The following ARHGAP29 variants were observed in gnomAD, a reference collection of about 807,000 sequenced individuals.
The protein encoded by ARHGAP29 is rho GTPase-activating protein 29.
Under a neutral mutation model 122.6 loss-of-function variants are expected in ARHGAP29, and 43 were observed. The observed-to-expected ratio is 0.35, with a 90% CI of 0.27 to 0.45. The LOEUF is 0.45. Ranked by LOEUF, ARHGAP29 falls within the 20% of genes least tolerant of loss-of-function variation. ARHGAP29 has a pLI of 1.00. For missense variants in ARHGAP29, 1,303 were observed against 1,477.2 expected (o/e 0.88, Z 1.93); for synonymous variants, 506 against 497.1 (o/e 1.02, Z -0.24).
At chr1:94,246,407 A>G (rs1653797686) in intron 1 of ARHGAP29, among the ~76,000 whole-genome samples, 1 of 152,226 alleles carries the variant, frequency 6.6e-6, no homozygotes. Context: ...AATGAGGAGG[A>G]AGCGAAGCTA....
chr1:94,173,674 G>T lies in ARHGAP29; in HGVS notation c.*195C>A. On this transcript the variant is annotated 3_prime_UTR_variant, in exon 23 of 23. Transcript: ENST00000260526. ...CAGAATTTAAAGATAATTCCAGTGAGGCACAAATGTGACCCTATCAAAACA... is the reference window on the plus strand; with the variant it reads ...CAGAATTTAAAGATAATTCCAGTGATGCACAAATGTGACCCTATCAAAACA... 1 of 562,636 alleles carries T rather than the reference G, an allele frequency of 1.8e-6. No homozygotes were observed. The highest frequency in any genetic ancestry group is 3.0e-6 in the Non-Finnish European group (1 of 334,984). The allele number at this position is 562,636 out of a possible 1,614,324, so 34.9% of individuals were successfully genotyped here.
intron 1 of ARHGAP29, among the ~76,000 whole-genome samples, chr1:94,271,621 T>A (rs1029951608): frequency 1.3e-5 from 2 of 152,190 alleles, no homozygotes; most frequent in African/African-American, 4.8e-5. Flanking sequence ...GCAGCTCAAG[T>A]GCCAATTTGG....
At chr1:94,179,680 A>G in intron 20 of ARHGAP29, 45 bp downstream of exon 20, 1 of 1,272,668 alleles carries the variant, frequency 7.9e-7, no homozygotes, top group South Asian at 1.4e-5. Context: ...CAAAAAACAA[A>G]TCAATTGCCC....
intron 2 of ARHGAP29, among the ~76,000 whole-genome samples, chr1:94,228,034 T>C (rs1652719688): frequency 6.6e-6 from 1 of 151,746 alleles, no homozygotes; most frequent in Non-Finnish European, 1.5e-5. Flanking sequence ...GAAAGAGAAT[T>C]ACCAAACTCT....
At chr1:94,193,147 A>T (rs1306828721) in intron 12 of ARHGAP29, 1 of 152,154 alleles carries the variant, frequency 6.6e-6, no homozygotes, top group African/African-American at 2.4e-5. Flanking sequence ...GAAAAATAAA[A>T]TATCCAGAAC....
At chr1:94,207,953 CT>C (rs976964694) in intron 5 of ARHGAP29, among the ~76,000 whole-genome samples, 174 of 152,098 alleles carry the variant, frequency 1.1e-3, no homozygotes, top group African/African-American at 3.9e-3. Flanking sequence ...TGAATCCCCC[CT>C]CTCAGCTTCC....
chr1:94,186,961 G>C (rs1261973744), intron 15 of ARHGAP29, among the ~76,000 whole-genome samples: 1 of 152,178 alleles, frequency 6.6e-6, no homozygotes, highest in Non-Finnish European at 1.5e-5. Flanking sequence ...CAACAGTAAA[G>C]TTGTCATTAA....
chr1:94,219,881 C>G (rs1283361176), intron 3 of ARHGAP29, among the ~76,000 whole-genome samples: 1 of 152,148 alleles, frequency 6.6e-6, no homozygotes, highest in African/African-American at 2.4e-5. Context: ...ATTTGATTCC[C>G]TCTTTTAAGT....
At chr1:94,282,171 C>A in the ARHGAP29 span, among the ~76,000 whole-genome samples, 2 of 150,294 alleles carry the variant, frequency 1.3e-5, no homozygotes, top group South Asian at 2.1e-4. Flanking sequence ...CTGGAGCCCA[C>A]AACCTTGTCT....
chr1:94,201,676 T>C, intron 12 of ARHGAP29, 44 bp downstream of exon 12: 1 of 1,609,600 alleles, frequency 6.2e-7, no homozygotes, highest in South Asian at 1.1e-5. Context: ...CCTTGCCTGA[T>C]GGTCTTTTCT....
chr1:94,256,534 A>ATT (rs1413770496), intron 1 of ARHGAP29, among the ~76,000 whole-genome samples: 3 of 78,704 alleles, frequency 3.8e-5, no homozygotes, highest in East Asian at 4.6e-4. Context: ...AACAGTACTA[A>ATT]TCTTTTTTTT....
At chr1:94,258,878 G>A (rs150738515) in intron 1 of ARHGAP29, among the ~76,000 whole-genome samples, 3 of 152,162 alleles carry the variant, frequency 2.0e-5, no homozygotes, top group Non-Finnish European at 4.4e-5. Context: ...TGTCAGACTT[G>A]ACTCAAAAAA....
At chr1:94,238,322 GCCTC>G (rs900287552), upstream of ARHGAP29, among the ~76,000 whole-genome samples, 14 of 151,988 alleles carry the variant, frequency 9.2e-5, no homozygotes, top group African/African-American at 3.4e-4. Flanking sequence ...ACCCGCCTCA[GCCTC>G]CCAAAGTACT....
At chr1:94,299,196 G>T in the ARHGAP29 span, among the ~76,000 whole-genome samples, 2 of 152,132 alleles carry the variant, frequency 1.3e-5, no homozygotes, top group Admixed American at 6.6e-5. Flanking sequence ...CCACTGTTTT[G>T]ATCAGTATGT....
the ARHGAP29 span, among the ~76,000 whole-genome samples, chr1:94,310,882 C>T: frequency 1.3e-5 from 2 of 152,176 alleles, no homozygotes; most frequent in African/African-American, 4.8e-5. Context: ...AATCTTTCTT[C>T]CCCATGCCTG....
upstream of ARHGAP29, chr1:94,237,670 G>A (rs1653383874): frequency 3.0e-6 from 3 of 985,684 alleles, no homozygotes; most frequent in South Asian, 9.2e-5. Context: ...CCATTGGCCC[G>A]CGCTCCCGGG....
chr1:94,179,932 C>T lies in ARHGAP29; in HGVS notation c.2273G>A (p.Arg758Gln), dbSNP rs41311170. The T allele has an allele frequency of 1.1e-5, 18 of 1,605,586 alleles. No individual in the cohort carries two copies. Among genetic ancestry groups the T allele is most frequent in the Non-Finnish European group, 1.3e-5 (15 of 1,177,606 alleles). Residue 758 changes from arginine (R) to glutamine (Q), a missense_variant, in exon 20 of 23, where the codon CGA becomes CAA. By Grantham distance (43) the Arg-to-Gln change is conservative. This residue lies in a region of ARHGAP29 where 620 missense variants were observed against 651.2 expected (regional missense o/e 0.95). Transcript: ENST00000260526. ...RQLPEPFILF[R>Q]LYKEFIDLAK... is the part of the protein sequence containing the mutation. The stretch of plus-strand genomic sequence containing the variant: ...AAGGTCTATAAATTCCTTGTACAAT[C>T]GAAATAAAATAAATGGTTCTGGGAG...
At chr1:94,194,577 CT>C (rs71094283) in intron 12 of ARHGAP29, 1 of 151,958 alleles carries the variant, frequency 6.6e-6, no homozygotes, top group Non-Finnish European at 1.5e-5. Flanking sequence ...GTAGACTGTT[CT>C]TTTCTCTCTG....
chr1:94,269,710 T>C (rs1156312082), intron 1 of ARHGAP29, among the ~76,000 whole-genome samples: 1 of 152,186 alleles, frequency 6.6e-6, no homozygotes, highest in Non-Finnish European at 1.5e-5. Flanking sequence ...GAGCACCTAC[T>C]GTGTGCCAGG....
Sources: allele counts gnomAD v4.1 joint callset (sites outside exome capture counted in the v4.1 genomes callset), GRCh38; gene constraint gnomAD v4.1.1; regional missense constraint gnomAD v4.1.1; transcripts MANE v1.5; gene names NCBI Gene and HGNC (gene_info 2026-07-23, HGNC 2026-07-21).